GARNL3: variants seen among roughly 807,000 people sequenced by gnomAD.
GARNL3 encodes GTPase activating Rap/RanGAP domain like 3.
In GARNL3, 63 loss-of-function variants were observed where a neutral mutation model predicts 125.0. The ratio of observed to expected loss-of-function variants is 0.50; its 90% CI spans 0.41 to 0.62. The LOEUF (loss-of-function observed/expected upper bound fraction) is 0.62. Among genes scored for constraint, GARNL3 ranks in the 20% least tolerant of loss-of-function variants. GARNL3 has a pLI of 0.00. For synonymous variants in GARNL3, 439 were observed against 457.5 expected (o/e 0.96, Z 0.52); for missense variants, 994 against 1,244.0 (o/e 0.80, Z 3.02).
rs1202127958 is a variant in GARNL3 at position 127,380,010 on chromosome 9, T to C, written c.2162-3428T>C. 2.0e-5 allele frequency among the ~76,000 whole-genome samples: 3 copies of C among 152,156 alleles called. No individual in the cohort carries two copies. In the East Asian group the frequency reaches 5.8e-4, roughly 29 times the overall value. On this transcript the variant is annotated intron_variant, in intron 22 of 27. Coordinates refer to ENST00000373387, the MANE Select transcript of GARNL3 (RefSeq NM_032293.5). ...GCCTGGCCAACATGGTGAAACCCCA[T>C]CTCTACCAAAAATAAAAAAATTAGC...
In GARNL3 at chr9:127,264,954, C is replaced by A; in HGVS notation, c.77C>A (p.Ser26Tyr). Residue 26 changes from serine (S) to tyrosine (Y), a missense_variant, in exon 1 of 28, where the codon TCT (serine) becomes TAT (tyrosine). By Grantham distance (144) the Ser-to-Tyr change is moderately radical (BLOSUM62 -2). Around this residue, in one of 5 missense-constraint regions of GARNL3, gnomAD observed 37 missense variants for 34.2 expected, o/e 1.08. Coordinates refer to ENST00000373387, the MANE Select transcript of GARNL3 (RefSeq NM_032293.5). ...CTGATGAAGCATTTTTGTTCCAGCT[C>A]TGTCTCGGAAGACCTAGGCTGTAGA... ...IILMKHFCSS[S>Y]VSEDLGCRRG... The A allele has an allele frequency of 6.2e-7, 1 of 1,613,310 alleles. No individual in the cohort carries two copies. The highest frequency in any genetic ancestry group is 1.1e-5 in the South Asian group (1 of 90,852).
chr9:127,302,381 T>C (rs2064823896), intron 2 of GARNL3, among the ~76,000 whole-genome samples: 1 of 152,080 alleles, frequency 6.6e-6, no homozygotes, highest in South Asian at 2.1e-4. Flanking sequence ...TTATTTAAAA[T>C]AGGAAAAAAA....
intron 2 of GARNL3, among the ~76,000 whole-genome samples, chr9:127,299,802 T>C (rs2064727257): frequency 6.6e-6 from 1 of 152,186 alleles, no homozygotes. Context: ...CCTGACCTTG[T>C]GATCCGCCCA....
At chr9:127,359,905 T>A (rs1433584965) in intron 21 of GARNL3, among the ~76,000 whole-genome samples, 2 of 152,216 alleles carry the variant, frequency 1.3e-5, no homozygotes, top group Non-Finnish European at 1.5e-5. Flanking sequence ...TGATGACTTC[T>A]GTGCTTTGTT....
chr9:127,227,465 G>A, intron 1 of GARNL3, among the ~76,000 whole-genome samples: 1 of 152,216 alleles, frequency 6.6e-6, no homozygotes, highest in East Asian at 1.9e-4. Context: ...GCCGGTTGTG[G>A]TGGTAGGCGC....
intron 1 of GARNL3, among the ~76,000 whole-genome samples, chr9:127,231,051 T>TATATA (rs756942109): frequency 0.12 from 7,004 of 56,360 alleles, 291 homozygotes; most frequent in Non-Finnish European, 0.14. Flanking sequence ...TATATATATA[T>TATATA]TTTTTTTTTT....
chr9:127,350,848 A>G (rs1328407897), intron 17 of GARNL3, among the ~76,000 whole-genome samples: 1 of 152,154 alleles, frequency 6.6e-6, no homozygotes, highest in Non-Finnish European at 1.5e-5. Context: ...CAAGAATGCA[A>G]ACAACAGACT....
intron 17 of GARNL3, among the ~76,000 whole-genome samples, chr9:127,349,532 T>C (rs1047599003): frequency 1.3e-5 from 2 of 152,200 alleles, no homozygotes; most frequent in African/African-American, 4.8e-5. Flanking sequence ...AGGAGACAGA[T>C]TCCAGCTCAA....
Position 127,264,799 on chromosome 9 carries a change from T to A in GARNL3, c.-79T>A, listed in dbSNP as rs932652125. On this transcript the variant is annotated 5_prime_UTR_variant, in exon 1 of 28. Coordinates refer to ENST00000373387, the MANE Select transcript of GARNL3 (RefSeq NM_032293.5). The stretch of plus-strand genomic sequence containing the variant: ...AGGCTCTGCAATGGCTGCTGGGGAC[T>A]GTGTCTGTTGCAAGGAGGCTCCCCT... The A allele has an allele frequency of 4.4e-6, 6 of 1,352,494 alleles. No individual in the cohort carries two copies. Among genetic ancestry groups the A allele is most frequent in the Non-Finnish European group, 5.8e-6 (6 of 1,041,826 alleles). 83.8% of individuals were successfully genotyped at this position (1,352,494 alleles called of 1,614,324 possible).
chr9:127,238,524 C>A (rs925450394), intron 1 of GARNL3, among the ~76,000 whole-genome samples: 3 of 152,204 alleles, frequency 2.0e-5, no homozygotes, highest in Admixed American at 6.5e-5. Context: ...GGGCTGTCCT[C>A]TGTCAAATAG....
intron 7 of GARNL3, among the ~76,000 whole-genome samples, chr9:127,330,166 C>T (rs2131556883): frequency 6.6e-6 from 1 of 152,302 alleles, no homozygotes; most frequent in South Asian, 2.1e-4. Context: ...ATTCTGATGC[C>T]TAGTCAAGTT....
chr9:127,322,814 A>C (rs2065443331), intron 6 of GARNL3, among the ~76,000 whole-genome samples: 1 of 152,148 alleles, frequency 6.6e-6, no homozygotes, highest in Non-Finnish European at 1.5e-5. Flanking sequence ...TTTAAATGTT[A>C]TTTGTCTGTT....
At chr9:127,390,845 A>G in intron 27 of GARNL3, 78 bp downstream of exon 27, 1 of 1,435,596 alleles carries the variant, frequency 7.0e-7, no homozygotes, top group Non-Finnish European at 9.5e-7. Context: ...CCTTCTGGGG[A>G]TTGATAATGC....
intron 7 of GARNL3, 53 bp downstream of exon 7, chr9:127,325,148 T>C: frequency 6.4e-7 from 1 of 1,553,220 alleles, no homozygotes; most frequent in Non-Finnish European, 8.9e-7. Context: ...TGTTTGTAAA[T>C]ATATTTCTCC....
At chr9:127,390,917 C>T (rs76492379) in intron 27 of GARNL3, 150 bp downstream of exon 27, 192 of 730,090 alleles carry the variant, frequency 2.6e-4, no homozygotes, top group Non-Finnish European at 3.6e-4. Flanking sequence ...TGAGGGTCCC[C>T]AGACCCTCAG....
intron 2 of GARNL3, among the ~76,000 whole-genome samples, chr9:127,253,083 T>C (rs2063434750): frequency 6.6e-6 from 1 of 152,198 alleles, no homozygotes. Context: ...AAAAACAAAT[T>C]TCATGAATAT....
chr9:127,314,195 C>G (rs758408424), intron 4 of GARNL3, among the ~76,000 whole-genome samples: 1 of 152,214 alleles, frequency 6.6e-6, no homozygotes, highest in Non-Finnish European at 1.5e-5. Context: ...CCATCCCTTC[C>G]TGGGGCACAT....
chr9:127,284,240 A>G lies in GARNL3; in HGVS notation c.145-6928A>G, dbSNP rs1588753864. Among the ~76,000 whole-genome samples, 3 of 152,078 alleles carry G rather than the reference A, an allele frequency of 2.0e-5. No homozygotes were observed. The South Asian group carries it at 6.2e-4, about 31-fold the overall frequency. On this transcript the variant is annotated intron_variant, in intron 1 of 27. Transcript: ENST00000373387. ...AGATTTCTTTCTTAAAATATTTTTC[A>G]TTGTGTATGTTTTCCTAGAAAATTT...
At position 127,377,498 on chromosome 9, in the gene GARNL3, A is replaced by C. The variant is rs371137196; in HGVS notation, c.2162-5940A>C. Among the ~76,000 whole-genome samples the C allele has an allele frequency of 2.5e-3, 380 of 152,304 alleles. 1 individual carries two copies. The highest frequency in any genetic ancestry group is 8.5e-3 in the African/African-American group (355 of 41,572). ...GCCTTTATAAGGATGACATTAAAGC[A>C]GAAGCCGGCCAGGAGGGGTGGCTCA... is the stretch of plus-strand genomic sequence containing the variant. On this transcript the variant is annotated intron_variant, in intron 22 of 27. Coordinates refer to ENST00000373387, the MANE Select transcript of GARNL3 (RefSeq NM_032293.5).
Sources: gnomAD v4.1 joint callset for allele counts (sites outside exome capture counted in the v4.1 genomes callset) on GRCh38, gnomAD v4.1.1 for gene constraint, gnomAD v4.1.1 regional missense constraint, MANE v1.5 for transcripts, NCBI Gene and HGNC (gene_info 2026-07-23, HGNC 2026-07-21) for gene names.